Variants in EHBP1 observed in about 807,000 individuals in gnomAD.
EHBP1 encodes EH domain binding protein 1.
A neutral mutation model predicts 144.0 loss-of-function variants in EHBP1; 55 were observed. The observed-to-expected ratio is 0.38, with a 90% CI of 0.31 to 0.48. The LOEUF is 0.48. Among genes scored for constraint, EHBP1 ranks in the 20% least tolerant of loss-of-function variants. EHBP1 has a pLI of 0.98. For synonymous variants in EHBP1, 469 were observed against 472.7 expected, an observed-to-expected ratio of 0.99 and a Z score of 0.10; for missense variants, 1,200 against 1,364.2, an observed-to-expected ratio of 0.88 and a Z score of 1.90.
intron 19 of EHBP1, among the ~76,000 whole-genome samples, chr2:63,011,705 TA>T: frequency 6.6e-6 from 1 of 152,094 alleles, no homozygotes; most frequent in South Asian, 2.1e-4. Context: ...AAGTAATTCT[TA>T]AAATATTTGT....
chr2:62,703,528 G>A (rs1168919233), upstream of EHBP1, among the ~76,000 whole-genome samples: 3 of 152,196 alleles, frequency 2.0e-5, no homozygotes, highest in Non-Finnish European at 4.4e-5. Flanking sequence ...CTATGAACAT[G>A]AGGTCAGTGG....
At chr2:63,019,564 G>T (rs900854876) in intron 19 of EHBP1, among the ~76,000 whole-genome samples, 10 of 151,514 alleles carry the variant, frequency 6.6e-5, no homozygotes, top group Middle Eastern at 3.4e-3. Flanking sequence ...AAAATTAGCC[G>T]GGTGTGGTGG....
intron 5 of EHBP1, among the ~76,000 whole-genome samples, chr2:62,795,728 C>T (rs1349034717): frequency 2.0e-5 from 3 of 151,994 alleles, no homozygotes; most frequent in Non-Finnish European, 4.4e-5. Flanking sequence ...TAAAAATATA[C>T]AAAATGCATT....
upstream of EHBP1, among the ~76,000 whole-genome samples, chr2:62,705,221 G>A (rs2034430034): frequency 6.6e-6 from 1 of 151,912 alleles, no homozygotes; most frequent in African/African-American, 2.4e-5. Flanking sequence ...GCGGAGGAGA[G>A]GGCGCGCCCA....
At chr2:62,719,862 G>A (rs2036049077) in intron 2 of EHBP1, among the ~76,000 whole-genome samples, 1 of 152,138 alleles carries the variant, frequency 6.6e-6, no homozygotes, top group South Asian at 2.1e-4. Flanking sequence ...ATCCTCAGGA[G>A]GTCCTGGAAC....
chr2:62,750,244 C>G (rs1267267413), intron 3 of EHBP1, among the ~76,000 whole-genome samples: 1 of 152,124 alleles, frequency 6.6e-6, no homozygotes, highest in Non-Finnish European at 1.5e-5. Context: ...ATAGGGAGTC[C>G]TTTCCCCATT....
intron 9 of EHBP1, among the ~76,000 whole-genome samples, chr2:62,867,074 C>T (rs1372302765): frequency 1.3e-5 from 2 of 151,920 alleles, no homozygotes; most frequent in African/African-American, 2.4e-5. Flanking sequence ...TTTGGATTTA[C>T]ACGAAGGAAA....
chr2:63,036,706 G>A (rs1449345105), intron 19 of EHBP1, among the ~76,000 whole-genome samples: 2 of 151,930 alleles, frequency 1.3e-5, no homozygotes, highest in Non-Finnish European at 2.9e-5. Flanking sequence ...TTTTTCTTCA[G>A]TATAATTGTG....
At chr2:62,854,111 C>G (rs893812274) in intron 7 of EHBP1, among the ~76,000 whole-genome samples, 2 of 152,188 alleles carry the variant, frequency 1.3e-5, no homozygotes, top group African/African-American at 2.4e-5. Context: ...CAAGTTGAAG[C>G]TACATTAGCT....
At chr2:62,753,432 A>C (rs1385266351) in intron 3 of EHBP1, among the ~76,000 whole-genome samples, 2 of 152,094 alleles carry the variant, frequency 1.3e-5, no homozygotes, top group East Asian at 1.9e-4. Context: ...GCTGCCCTTA[A>C]CATTTTTTCC....
intron 21 of EHBP1, among the ~76,000 whole-genome samples, chr2:63,039,421 A>G (rs772283870): frequency 1.3e-5 from 2 of 152,190 alleles, no homozygotes; most frequent in African/African-American, 2.4e-5. Context: ...TTTACTATAT[A>G]TGATTTTTTT....
intron 12 of EHBP1, among the ~76,000 whole-genome samples, chr2:62,947,022 T>A (rs2057109587): frequency 6.6e-6 from 1 of 152,180 alleles, no homozygotes; most frequent in Non-Finnish European, 1.5e-5. Flanking sequence ...CCTGTGGTGC[T>A]TTCCCTGATG....
chr2:62,728,151 G>A (rs1415907066), intron 2 of EHBP1, among the ~76,000 whole-genome samples: 1 of 152,172 alleles, frequency 6.6e-6, no homozygotes. Flanking sequence ...CCACAACCTC[G>A]GTTTGATATT....
At chr2:62,919,492 AT>A (rs902080226) in intron 10 of EHBP1, among the ~76,000 whole-genome samples, 1 of 152,170 alleles carries the variant, frequency 6.6e-6, no homozygotes, top group East Asian at 1.9e-4. Flanking sequence ...ACCACCTACA[AT>A]TTTTTTTAAG....
chr2:62,718,900 T>C (rs988278082), intron 2 of EHBP1, among the ~76,000 whole-genome samples: 2 of 152,182 alleles, frequency 1.3e-5, no homozygotes, highest in Non-Finnish European at 2.9e-5. Context: ...CATTGGTTCA[T>C]TTAAAGACAA....
intron 10 of EHBP1, among the ~76,000 whole-genome samples, chr2:62,885,465 C>A (rs567965116): frequency 1.3e-5 from 2 of 152,018 alleles, no homozygotes; most frequent in African/African-American, 4.8e-5. Context: ...TGTAACCATC[C>A]AGTAAAATAA....
At chr2:62,722,952 C>G (rs2036379954) in intron 2 of EHBP1, among the ~76,000 whole-genome samples, 1 of 152,074 alleles carries the variant, frequency 6.6e-6, no homozygotes, top group Non-Finnish European at 1.5e-5. Context: ...AGAGTATGTG[C>G]CAAGTGGAGA....
At chr2:62,963,419 A>T (rs145482467) in intron 14 of EHBP1, among the ~76,000 whole-genome samples, 326 of 152,314 alleles carry the variant, frequency 2.1e-3, no homozygotes, top group African/African-American at 7.6e-3. Context: ...AAAAAACACT[A>T]AACTTTTTTT....
At chr2:63,036,857 C>T (rs1374142004) in intron 19 of EHBP1, among the ~76,000 whole-genome samples, 2 of 151,758 alleles carry the variant, frequency 1.3e-5, no homozygotes, top group African/African-American at 4.8e-5. Flanking sequence ...TAAGTATCTC[C>T]TGTGTACAAT....
Sources: allele counts gnomAD v4.1 joint callset (sites outside exome capture counted in the v4.1 genomes callset), GRCh38; gene constraint gnomAD v4.1.1; transcripts MANE v1.5; gene names NCBI Gene and HGNC (gene_info 2026-07-23, HGNC 2026-07-21).